Variants in C1orf87 observed in about 807,000 individuals in gnomAD.
C1orf87 encodes the protein uncharacterized protein C1orf87.
In C1orf87, 58 loss-of-function variants were observed where a neutral mutation model predicts 60.5. The ratio of observed to expected loss-of-function variants is 0.96; its 90% CI spans 0.78 to 1.19. C1orf87 has a LOEUF of 1.19. C1orf87 is among the 50% of genes most tolerant of loss of function. The pLI, the probability that C1orf87 is intolerant of heterozygous loss-of-function variation, is 0.00. For missense variants in C1orf87, 673 were observed against 638.6 expected (o/e 1.05, Z -0.58); for synonymous variants, 236 against 227.4 (o/e 1.04, Z -0.34).
At chr1:60,020,419 T>C (rs1645155217) in intron 8 of C1orf87, among the ~76,000 whole-genome samples, 1 of 152,158 alleles carries the variant, frequency 6.6e-6, no homozygotes, top group Non-Finnish European at 1.5e-5. Context: ...GTGAAAGCAG[T>C]CAAAGTAGCT....
chr1:60,029,162 C>G (rs1645219180), intron 7 of C1orf87, among the ~76,000 whole-genome samples: 1 of 152,160 alleles, frequency 6.6e-6, no homozygotes, highest in Admixed American at 6.5e-5. Flanking sequence ...GTTGCCAAAG[C>G]CAGAACCTTG....
chr1:60,006,799 C>T (rs532900366), intron 9 of C1orf87, among the ~76,000 whole-genome samples: 9 of 152,158 alleles, frequency 5.9e-5, no homozygotes, highest in South Asian at 2.1e-4. Flanking sequence ...TTACTACTTT[C>T]GGAAGCTTCT....
chr1:60,038,256 T>TAGCA (rs1472335713), intron 5 of C1orf87, 149 bp from the exon 6 acceptor site: 2 of 499,424 alleles, frequency 4.0e-6, no homozygotes, highest in Non-Finnish European at 7.2e-6. Context: ...TGGTGCTTTT[T>TAGCA]AGCAAGTATT....
intron 11 of C1orf87, among the ~76,000 whole-genome samples, chr1:59,996,759 T>G (rs1190349042): frequency 6.6e-6 from 1 of 152,178 alleles, no homozygotes; most frequent in Non-Finnish European, 1.5e-5. Flanking sequence ...TTTCTCTGAA[T>G]GCCCACAGAG....
At position 60,063,781 on chromosome 1, in the gene C1orf87, G is replaced by C. The variant is rs565265104; in HGVS notation, c.108-8343C>G. 2.0e-5 allele frequency among the ~76,000 whole-genome samples: 3 copies of C among 152,294 alleles called. No individual in the cohort carries two copies. The East Asian group carries it at 5.8e-4, about 29-fold the overall frequency. On this transcript the variant is annotated intron_variant, in intron 2 of 11. Transcript: ENST00000371201. Reference sequence around the variant, plus strand: ...CAAGCTGGACCTCAGTGGCAGAAAAGCAGCAGGTATATGGGTTCCCTGATC... The same window carrying C: ...CAAGCTGGACCTCAGTGGCAGAAAACCAGCAGGTATATGGGTTCCCTGATC...
intron 2 of C1orf87, among the ~76,000 whole-genome samples, chr1:60,064,875 ATTTG>A (rs1189865009): frequency 3.2e-5 from 3 of 92,482 alleles, no homozygotes; most frequent in East Asian, 2.8e-4. Flanking sequence ...ATAAATATAT[ATTTG>A]TTCTAAATAA....
intron 8 of C1orf87, among the ~76,000 whole-genome samples, chr1:60,014,898 T>A (rs150605452): frequency 1.3e-4 from 20 of 152,314 alleles, no homozygotes; most frequent in Middle Eastern, 6.8e-3. Flanking sequence ...TAGTATAGAA[T>A]ATTGATAAAG....
At chr1:59,994,059 A>G (rs1574289857) in intron 11 of C1orf87, among the ~76,000 whole-genome samples, 1 of 152,278 alleles carries the variant, frequency 6.6e-6, no homozygotes, top group Admixed American at 6.5e-5. Context: ...GCACCCCACC[A>G]TAAGAACATT....
chr1:60,030,356 A>AACAGAACC (rs1338025949), intron 7 of C1orf87, among the ~76,000 whole-genome samples: 1 of 152,198 alleles, frequency 6.6e-6, no homozygotes, highest in African/African-American at 2.4e-5. Context: ...TAAATATGAA[A>AACAGAACC]ACAGAACCTG....
intron 8 of C1orf87, among the ~76,000 whole-genome samples, chr1:60,021,511 C>A (rs969597152): frequency 1.3e-4 from 20 of 152,144 alleles, no homozygotes; most frequent in Non-Finnish European, 2.5e-4. Flanking sequence ...GAAGAATTTA[C>A]GTATCTGCAT....
chr1:60,030,140 A>G (rs934423865), intron 7 of C1orf87, among the ~76,000 whole-genome samples: 2 of 152,136 alleles, frequency 1.3e-5, no homozygotes, highest in African/African-American at 4.8e-5. Context: ...AGAACTCAGG[A>G]GCCCAAACCA....
At chr1:59,992,604 C>A (rs909739336) in intron 11 of C1orf87, among the ~76,000 whole-genome samples, 4 of 152,142 alleles carry the variant, frequency 2.6e-5, no homozygotes, top group Non-Finnish European at 4.4e-5. Flanking sequence ...TGGTGAAATT[C>A]CTTCCTAAAG....
chr1:60,068,920 G>T (rs1645566358), intron 2 of C1orf87, among the ~76,000 whole-genome samples: 1 of 152,090 alleles, frequency 6.6e-6, no homozygotes, highest in African/African-American at 2.4e-5. Context: ...TTAACAGCAT[G>T]GGCCTTTAGA....
At chr1:60,039,606 T>C (rs1210220297) in intron 5 of C1orf87, among the ~76,000 whole-genome samples, 1 of 152,234 alleles carries the variant, frequency 6.6e-6, no homozygotes, top group African/African-American at 2.4e-5. Context: ...CAGACTAAGC[T>C]AGCTCATGAA....
At chr1:60,007,283 C>T (rs1428943093) in intron 9 of C1orf87, among the ~76,000 whole-genome samples, 2 of 152,152 alleles carry the variant, frequency 1.3e-5, no homozygotes, top group South Asian at 2.1e-4. Context: ...TTCTATTGAA[C>T]TATATCACAG....
intron 5 of C1orf87, among the ~76,000 whole-genome samples, chr1:60,039,206 T>C (rs1645300131): frequency 6.6e-6 from 1 of 152,186 alleles, no homozygotes; most frequent in African/African-American, 2.4e-5. Flanking sequence ...CCAGGCCTTC[T>C]TTTTTAAGGT....
intron 2 of C1orf87, among the ~76,000 whole-genome samples, chr1:60,062,048 C>A (rs1399730226): frequency 6.6e-6 from 1 of 152,144 alleles, no homozygotes; most frequent in African/African-American, 2.4e-5. Flanking sequence ...TTGACTCAGG[C>A]TACCTGTGTC....
chr1:60,001,201 T>A lies in C1orf87; in HGVS notation c.1193-45A>T, dbSNP rs558840423. On this transcript the variant is annotated intron_variant, in intron 9 of 11. Transcript: ENST00000371201. Reference sequence around the variant, plus strand: ...AAAAAAGGAAGGGTTTAGCTTGGTCTCTTCATTTAACACACACATATACAC... The same window carrying A: ...AAAAAAGGAAGGGTTTAGCTTGGTCACTTCATTTAACACACACATATACAC... The A allele has an allele frequency of 1.0e-5, 14 of 1,402,398 alleles. No homozygotes were observed. In the South Asian group the frequency reaches 1.4e-4, roughly 14 times the overall value. The allele number at this position is 1,402,398 out of a possible 1,614,324, so 86.9% of individuals were successfully genotyped here. A position where few individuals can be genotyped will look rare whatever the true frequency, so the allele number is the denominator to read the frequency against.
At chr1:60,066,301 T>C (rs1033549150) in intron 2 of C1orf87, among the ~76,000 whole-genome samples, 4 of 152,218 alleles carry the variant, frequency 2.6e-5, no homozygotes, top group African/African-American at 9.6e-5. Flanking sequence ...TCTTTCACAA[T>C]TGGAATCAAT....
Sources: gnomAD v4.1 joint callset for allele counts (sites outside exome capture counted in the v4.1 genomes callset) on GRCh38, gnomAD v4.1.1 for gene constraint, MANE v1.5 for transcripts, NCBI Gene and HGNC (gene_info 2026-07-23, HGNC 2026-07-21) for gene names.